The following IGFL2 variants were observed in gnomAD, a reference collection of about 807,000 sequenced individuals.
IGFL2 encodes insulin growth factor-like family member 2.
Under a neutral mutation model 13.9 loss-of-function variants are expected in IGFL2, and 7 were observed. The observed-to-expected ratio is 0.51, with a 90% CI of 0.29 to 0.95. IGFL2 has a LOEUF of 0.95. Among genes scored for constraint, IGFL2 ranks in the 40% least tolerant of loss-of-function variants. The pLI is 0.08. For synonymous variants in IGFL2, 55 were observed against 55.8 expected (o/e 0.99, Z 0.07); for missense variants, 138 against 147.8 (o/e 0.93, Z 0.34).
chr19:46,138,266 A>G (rs938356782), upstream of IGFL2, among the ~76,000 whole-genome samples: 3 of 151,962 alleles, frequency 2.0e-5, no homozygotes, highest in African/African-American at 7.3e-5. Context: ...AACTGGTTTC[A>G]TTTCTGGATG....
At chr19:46,123,873 T>A in the IGFL2 span, 3 of 1,602,680 alleles carry the variant, frequency 1.9e-6, no homozygotes, top group Non-Finnish European at 2.6e-6. Context: ...AAGAGCAAGG[T>A]AGGGACCTTT....
At chr19:46,134,067 T>C in the IGFL2 span, among the ~76,000 whole-genome samples, 3 of 152,068 alleles carry the variant, frequency 2.0e-5, no homozygotes, top group Non-Finnish European at 4.4e-5. Flanking sequence ...AGGAGAGGTA[T>C]ACGGTATGCA....
chr19:46,137,480 G>A, the IGFL2 span: 1 of 1,123,864 alleles, frequency 8.9e-7, no homozygotes, highest in Non-Finnish European at 1.4e-6. Flanking sequence ...AGACTCCTTG[G>A]GCAGGTTGCC....
the IGFL2 span, among the ~76,000 whole-genome samples, chr19:46,179,084 G>T: frequency 6.6e-6 from 1 of 152,132 alleles, no homozygotes; most frequent in African/African-American, 2.4e-5. Context: ...AGGCAGGGCT[G>T]CAGGGGTCCG....
chr19:46,162,404 C>T (rs1407862844), downstream of IGFL2, among the ~76,000 whole-genome samples: 1 of 152,206 alleles, frequency 6.6e-6, no homozygotes, highest in Non-Finnish European at 1.5e-5. Context: ...TGTTTGCTTT[C>T]TCCCTCTCCC....
chr19:46,154,932 C>T (rs191826258), intron 1 of IGFL2, among the ~76,000 whole-genome samples: 101 of 152,280 alleles, frequency 6.6e-4, no homozygotes, highest in African/African-American at 2.4e-3. Flanking sequence ...CCCTCTCCCC[C>T]GGGCAGAACC....
the IGFL2 span, among the ~76,000 whole-genome samples, chr19:46,211,961 A>C: frequency 6.6e-6 from 1 of 152,204 alleles, no homozygotes; most frequent in Non-Finnish European, 1.5e-5. Context: ...ATATTCTACC[A>C]TTACGTGGAA....
chr19:46,112,276 A>G, the IGFL2 span, among the ~76,000 whole-genome samples: 5 of 152,224 alleles, frequency 3.3e-5, no homozygotes, highest in Admixed American at 1.3e-4. Context: ...AAGATCTGCA[A>G]TTATGACAAA....
the IGFL2 span, among the ~76,000 whole-genome samples, chr19:46,103,623 C>A: frequency 6.6e-6 from 1 of 152,000 alleles, no homozygotes; most frequent in East Asian, 1.9e-4. Context: ...AACAGGGGCA[C>A]GACACTTATG....
chr19:46,177,895 A>G, the IGFL2 span, among the ~76,000 whole-genome samples: 54 of 152,296 alleles, frequency 3.5e-4, no homozygotes, highest in African/African-American at 1.2e-3. Context: ...ACTAAATTCC[A>G]GGCCATGATG....
the IGFL2 span, among the ~76,000 whole-genome samples, chr19:46,092,759 G>T: frequency 6.6e-6 from 1 of 152,054 alleles, no homozygotes; most frequent in Admixed American, 6.5e-5. Flanking sequence ...AGGATTACAG[G>T]TGTGAGCCAT....
chr19:46,175,449 G>C, the IGFL2 span, among the ~76,000 whole-genome samples: 6 of 152,074 alleles, frequency 3.9e-5, no homozygotes, highest in Admixed American at 6.6e-5. Context: ...GAATGAGAGA[G>C]GTATACATCT....
At chr19:46,170,423 C>T in the IGFL2 span, among the ~76,000 whole-genome samples, 2 of 152,172 alleles carry the variant, frequency 1.3e-5, no homozygotes, top group Non-Finnish European at 2.9e-5. Flanking sequence ...TGCCTCAGGA[C>T]CCTGTGATGA....
the IGFL2 span, among the ~76,000 whole-genome samples, chr19:46,126,680 T>C: frequency 1.3e-5 from 2 of 152,264 alleles, no homozygotes; most frequent in Non-Finnish European, 2.9e-5. Flanking sequence ...CTTCTATTAA[T>C]GTGTCATTCT....
At chr19:46,099,285 G>T in the IGFL2 span, among the ~76,000 whole-genome samples, 2 of 152,102 alleles carry the variant, frequency 1.3e-5, no homozygotes, top group African/African-American at 4.8e-5. Context: ...TGGAGAATCT[G>T]ATGATTATGT....
At chr19:46,188,291 G>A in the IGFL2 span, among the ~76,000 whole-genome samples, 2 of 152,082 alleles carry the variant, frequency 1.3e-5, no homozygotes, top group Non-Finnish European at 2.9e-5. Flanking sequence ...CCCAGTGTGT[G>A]TACTGTAGAC....
the IGFL2 span, among the ~76,000 whole-genome samples, chr19:46,078,670 T>C: frequency 6.6e-6 from 1 of 152,242 alleles, no homozygotes; most frequent in Admixed American, 6.5e-5. Flanking sequence ...CATAGCTATG[T>C]ATCAATTCAC....
At chr19:46,174,352 G>T in the IGFL2 span, among the ~76,000 whole-genome samples, 6 of 152,050 alleles carry the variant, frequency 3.9e-5, no homozygotes, top group African/African-American at 1.5e-4. Context: ...CTTGTGGCTG[G>T]CTCTGGAGAT....
At chr19:46,167,865 A>G in the IGFL2 span, among the ~76,000 whole-genome samples, 2 of 152,214 alleles carry the variant, frequency 1.3e-5, no homozygotes, top group Admixed American at 1.3e-4. Context: ...CAGGCCAGAA[A>G]GAGAGCCCTC....
Sources: allele counts gnomAD v4.1 joint callset (sites outside exome capture counted in the v4.1 genomes callset), GRCh38; gene constraint gnomAD v4.1.1; transcripts MANE v1.5; gene names NCBI Gene and HGNC (gene_info 2026-07-23, HGNC 2026-07-21).